PUDP: variants seen among roughly 807,000 people sequenced by gnomAD.
PUDP encodes pseudouridine 5'-phosphatase, also known as pseudouridine-5'-phosphatase.
PUDP carries 8 observed loss-of-function variants against 9.4 expected under a neutral mutation model. The observed-to-expected ratio is 0.85, with a 90% CI of 0.50 to 1.53. The LOEUF (loss-of-function observed/expected upper bound fraction) is 1.53, where lower values mean the gene tolerates loss of function less well. Among genes scored for constraint, PUDP ranks in the 40% most tolerant of loss-of-function variants. The pLI is 0.00. For missense variants in PUDP, 188 were observed against 189.7 expected (o/e 0.99, Z 0.05); for synonymous variants, 99 against 80.7 (o/e 1.23, Z -1.22).
chrX:6,989,399 TA>T, intron 1 of PUDP: 1 of 150,958 alleles, frequency 6.6e-6, no homozygotes, highest in Admixed American at 5.8e-5. Flanking sequence ...ATAGAAAATG[TA>T]AAGGCCAAGA....
intron 3 of PUDP, among the ~76,000 whole-genome samples, chrX:7,076,637 C>T (rs1028457001): frequency 1.8e-5 from 2 of 111,885 alleles, no homozygotes; most frequent in Admixed American, 9.5e-5. Flanking sequence ...GCATACCCTG[C>T]ATGGTCAAGC....
intron 1 of PUDP, among the ~76,000 whole-genome samples, chrX:6,720,215 T>C (rs770450866): frequency 1.1e-4 from 10 of 92,195 alleles, no homozygotes; most frequent in African/African-American, 3.7e-4. Flanking sequence ...TGTGTATATA[T>C]ATATGTGTAT....
intron 1 of PUDP, among the ~76,000 whole-genome samples, chrX:7,109,387 G>A (rs1325793015): frequency 1.8e-5 from 2 of 112,097 alleles, no homozygotes; most frequent in African/African-American, 6.5e-5. Context: ...TTGAAAAGCC[G>A]AGTGAAGGAA....
In PUDP at chrX:6,988,452, C is replaced by T. The variant is rs112519880; in HGVS notation, c.205-10109G>A. On this transcript the variant is annotated intron_variant and NMD_transcript_variant, in intron 1 of 3. Transcript: ENST00000655425. ...GACCTAGAAATTATCACTAGACCAA[C>T]TCAAAATTACAAACTTTTCCAGAGC... 4.1e-3 allele frequency among the ~76,000 whole-genome samples: 456 copies of T among 112,211 alleles called. 3 individuals are homozygous for T. Among genetic ancestry groups the T allele is most frequent in the African/African-American group, 0.014 (438 of 30,898 alleles).
chrX:6,910,067 A>G (rs976076439), intron 3 of PUDP, among the ~76,000 whole-genome samples: 10 of 111,979 alleles, frequency 8.9e-5, no homozygotes, highest in African/African-American at 3.2e-4. Flanking sequence ...TGATGGAAAC[A>G]GCTTCTGCTA....
intron 3 of PUDP, among the ~76,000 whole-genome samples, chrX:6,817,987 C>A (rs757328028): frequency 8.9e-6 from 1 of 112,042 alleles, no homozygotes; most frequent in Non-Finnish European, 1.9e-5. Flanking sequence ...GATAAGCAGG[C>A]TGCCTGTGTA....
chrX:7,043,300 T>TA (rs1453532110), intron 1 of PUDP, among the ~76,000 whole-genome samples: 1 of 111,113 alleles, frequency 9.0e-6, no homozygotes, highest in East Asian at 2.8e-4. Context: ...GCCCTCATGG[T>TA]AATGAGTGGG....
intron 3 of PUDP, among the ~76,000 whole-genome samples, chrX:6,933,189 G>C (rs1433458715): frequency 2.8e-5 from 3 of 107,011 alleles, no homozygotes; most frequent in African/African-American, 1.0e-4. Flanking sequence ...CCTGACCCCT[G>C]ACCCCTGACC....
At chrX:6,820,571 G>A (rs1926325004) in intron 3 of PUDP, among the ~76,000 whole-genome samples, 1 of 111,484 alleles carries the variant, frequency 9.0e-6, no homozygotes, top group Non-Finnish European at 1.9e-5. Flanking sequence ...TTCCAAATGG[G>A]AGAAATTGGC....
chrX:6,749,715 A>C (rs1267127096), intron 3 of PUDP, among the ~76,000 whole-genome samples: 1 of 112,010 alleles, frequency 8.9e-6, no homozygotes, highest in Non-Finnish European at 1.9e-5. Context: ...TTCTGTAACC[A>C]CAGATCTCAT....
chrX:6,918,637 T>G (rs780228373), intron 3 of PUDP, among the ~76,000 whole-genome samples: 3 of 111,996 alleles, frequency 2.7e-5, no homozygotes, highest in Non-Finnish European at 5.6e-5. Context: ...AAGATCAAAG[T>G]GCTGGCAGAT....
intron 3 of PUDP, among the ~76,000 whole-genome samples, chrX:6,783,964 G>C (rs1925606044): frequency 1.8e-5 from 2 of 111,551 alleles, no homozygotes; most frequent in Admixed American, 1.9e-4. Flanking sequence ...TTCTTCTTCA[G>C]CTTTTCTATT....
intron 3 of PUDP, among the ~76,000 whole-genome samples, chrX:6,944,459 A>T (rs1310950890): frequency 9.1e-6 from 1 of 109,758 alleles, no homozygotes; most frequent in Non-Finnish European, 1.9e-5. Flanking sequence ...AGAGTGAGAT[A>T]CATCAGGGAC....
intron 3 of PUDP, among the ~76,000 whole-genome samples, chrX:6,741,931 C>T (rs1166535972): frequency 2.7e-5 from 3 of 109,471 alleles, no homozygotes; most frequent in East Asian, 2.9e-4. Context: ...TCTCGGTTCA[C>T]TGTAACCTCC....
At chrX:6,806,949 T>C (rs1378569915) in intron 3 of PUDP, among the ~76,000 whole-genome samples, 1 of 112,138 alleles carries the variant, frequency 8.9e-6, no homozygotes, top group Non-Finnish European at 1.9e-5. Context: ...GGTATGAAGG[T>C]CACAGAATGC....
chrX:6,751,280 G>T (rs1316382965), intron 3 of PUDP, among the ~76,000 whole-genome samples: 1 of 112,222 alleles, frequency 8.9e-6, no homozygotes, highest in Non-Finnish European at 1.9e-5. Flanking sequence ...TATGTTGAAA[G>T]GAAAAGGGAA....
intron 1 of PUDP, among the ~76,000 whole-genome samples, chrX:7,107,573 T>A (rs1931921918): frequency 8.9e-6 from 1 of 112,705 alleles, no homozygotes; most frequent in Non-Finnish European, 1.9e-5. Flanking sequence ...ACGCCTATAA[T>A]CCCAGCACTT....
At chrX:6,839,939 T>C (rs1310549605) in intron 3 of PUDP, among the ~76,000 whole-genome samples, 3 of 111,241 alleles carry the variant, frequency 2.7e-5, no homozygotes, top group Non-Finnish European at 5.7e-5. Flanking sequence ...CTAGATTTTT[T>C]AGTGCATTTA....
chrX:7,055,575 T>A (rs1394007022), intron 3 of PUDP, among the ~76,000 whole-genome samples: 1 of 111,301 alleles, frequency 9.0e-6, no homozygotes, highest in Non-Finnish European at 1.9e-5. Flanking sequence ...TTTTATGTCG[T>A]CTTTAGACTT....
Sources: gnomAD v4.1 joint callset for allele counts (sites outside exome capture counted in the v4.1 genomes callset) on GRCh38, gnomAD v4.1.1 for gene constraint, MANE v1.5 for transcripts, NCBI Gene and HGNC (gene_info 2026-07-23, HGNC 2026-07-21) for gene names.